SNTG2: variants seen among roughly 807,000 people sequenced by gnomAD.
SNTG2 encodes gamma-2-syntrophin.
Under a neutral mutation model 70.9 loss-of-function variants are expected in SNTG2, and 74 were observed. The ratio of observed to expected loss-of-function variants is 1.04; its 90% CI spans 0.86 to 1.27. The LOEUF is 1.27. SNTG2 is among the 50% of genes most tolerant of loss of function. SNTG2 has a pLI of 0.00. For missense variants in SNTG2, 717 were observed against 690.7 expected (o/e 1.04, Z -0.43); for synonymous variants, 278 against 273.8 (o/e 1.02, Z -0.15).
At position 1,308,545 on chromosome 2, in the gene SNTG2, G is replaced by A; in HGVS notation, c.1336G>A (p.Asp446Asn). The A allele has an allele frequency of 6.4e-7, 1 of 1,551,698 alleles. No homozygotes were observed. The highest frequency in any genetic ancestry group is 8.7e-7 in the Non-Finnish European group (1 of 1,146,982). The change falls in exon 15 of 17, where the codon GAT (aspartate) becomes AAT (asparagine). Residue 446 changes from aspartate to asparagine, a missense_variant. Physicochemically the swap from Asp to Asn is conservative, Grantham distance 23. Coordinates refer to ENST00000308624, the MANE Select transcript of SNTG2 (RefSeq NM_018968.4). ...WQGEMLCFTV[D>N]FALGFTCFES... ...AGGAGAGATGCTGTGTTTCACGGTG[G>A]ATTTCGCGTTGGGATTTACCTGTTT...
intron 9 of SNTG2, among the ~76,000 whole-genome samples, chr2:1,211,806 G>A (rs376755901): frequency 2.2e-4 from 33 of 152,144 alleles, no homozygotes; most frequent in Non-Finnish European, 4.6e-4. Flanking sequence ...AATTCAAGAT[G>A]AGATTTGGGC....
intron 1 of SNTG2, among the ~76,000 whole-genome samples, chr2:986,727 G>A (rs373081020): frequency 1.4e-5 from 2 of 147,652 alleles, no homozygotes; most frequent in African/African-American, 2.6e-5. Flanking sequence ...TAGAGGGTTC[G>A]TTCTTTTAGT....
chr2:1,334,178 A>G (rs1049671503), intron 16 of SNTG2, among the ~76,000 whole-genome samples: 3 of 152,354 alleles, frequency 2.0e-5, no homozygotes, highest in African/African-American at 7.2e-5. Flanking sequence ...AATGGCCAAC[A>G]AACATATGAA....
chr2:954,689 G>A (rs1007290499), intron 1 of SNTG2, among the ~76,000 whole-genome samples: 2 of 152,122 alleles, frequency 1.3e-5, no homozygotes, highest in Admixed American at 1.3e-4. Flanking sequence ...TCCCTCACCT[G>A]AGGACTGACC....
At chr2:1,331,914 A>G (rs1038968596) in intron 16 of SNTG2, among the ~76,000 whole-genome samples, 14 of 152,160 alleles carry the variant, frequency 9.2e-5, no homozygotes, top group African/African-American at 3.4e-4. Context: ...CGCGGTTTCC[A>G]GCTTCACGAC....
At chr2:1,079,086 A>G (rs1664108020) in intron 1 of SNTG2, among the ~76,000 whole-genome samples, 1 of 152,256 alleles carries the variant, frequency 6.6e-6, no homozygotes, top group Non-Finnish European at 1.5e-5. Flanking sequence ...CAATTAGCTC[A>G]TTAAATACCC....
intron 4 of SNTG2, among the ~76,000 whole-genome samples, chr2:1,118,928 A>G (rs1667207927): frequency 6.6e-6 from 1 of 152,214 alleles, no homozygotes; most frequent in Non-Finnish European, 1.5e-5. Context: ...AAGCTCAAAG[A>G]TCACCAAACA....
chr2:1,133,907 C>T lies in SNTG2; in HGVS notation c.326-3715C>T, dbSNP rs190625847. Among the ~76,000 whole-genome samples, 39 of 149,110 alleles carry T rather than the reference C, an allele frequency of 2.6e-4. 1 individual carries two copies. Among genetic ancestry groups the T allele is most frequent in the East Asian group, 7.8e-4 (4 of 5,136 alleles). On this transcript the variant is annotated intron_variant, in intron 4 of 16. Transcript: ENST00000308624. ...CTCACTGACTTCAAGAATGAAGCCG[C>T]GGACCCTCGCGGTGAGTGTTACAGT...
At chr2:1,208,787 C>T (rs1001309731) in intron 8 of SNTG2, among the ~76,000 whole-genome samples, 8 of 152,154 alleles carry the variant, frequency 5.3e-5, no homozygotes, top group Non-Finnish European at 8.8e-5. Context: ...GTCTTTCTCA[C>T]GGTCTCTATG....
chr2:1,116,654 C>G (rs1667001515), intron 4 of SNTG2, among the ~76,000 whole-genome samples: 1 of 126,862 alleles, frequency 7.9e-6, no homozygotes, highest in South Asian at 2.7e-4. Context: ...GTATGAGTGC[C>G]CTGGTGTGTG....
At chr2:1,085,765 A>C (rs1664646869) in intron 2 of SNTG2, among the ~76,000 whole-genome samples, 1 of 152,360 alleles carries the variant, frequency 6.6e-6, no homozygotes, top group South Asian at 2.1e-4. Flanking sequence ...TCCCAGAGAC[A>C]GTGTGGGCTT....
At chr2:1,182,015 G>A (rs994549032) in intron 8 of SNTG2, among the ~76,000 whole-genome samples, 3 of 152,158 alleles carry the variant, frequency 2.0e-5, no homozygotes, top group African/African-American at 7.2e-5. Context: ...CCCATCTTCT[G>A]CAAATTCTGT....
chr2:1,124,256 A>G (rs1667556547), intron 4 of SNTG2, among the ~76,000 whole-genome samples: 1 of 152,032 alleles, frequency 6.6e-6, no homozygotes, highest in Non-Finnish European at 1.5e-5. Context: ...TAAATTGTCA[A>G]TTACAATTTG....
rs138940182 is a variant in SNTG2, at chr2:1,231,767, C to T, written c.720-6121C>T. On this transcript the variant is annotated intron_variant, in intron 9 of 16. Coordinates refer to ENST00000308624, the MANE Select transcript of SNTG2 (RefSeq NM_018968.4). ...GAGGGGAGTGTAGACACCACCTTCC[C>T]GTGACAAACCCAGGTGCTGGAATCC... 5.3e-4 allele frequency among the ~76,000 whole-genome samples: 81 copies of T among 152,256 alleles called. 1 individual carries two copies. Among genetic ancestry groups the T allele is most frequent in the Admixed American group, 4.9e-3 (75 of 15,292 alleles).
chr2:1,006,126 C>T (rs1336853943), intron 1 of SNTG2, among the ~76,000 whole-genome samples: 2 of 135,218 alleles, frequency 1.5e-5, no homozygotes, highest in Admixed American at 8.6e-5. Context: ...AATGAGATCA[C>T]ATGGACACAG....
chr2:1,332,546 T>C (rs182105187), intron 16 of SNTG2, among the ~76,000 whole-genome samples: 1 of 152,318 alleles, frequency 6.6e-6, no homozygotes, highest in Admixed American at 6.5e-5. Context: ...TGCTAATAAT[T>C]TGCTAATTAA....
At chr2:954,194 G>T (rs1161070985) in intron 1 of SNTG2, among the ~76,000 whole-genome samples, 1 of 152,180 alleles carries the variant, frequency 6.6e-6, no homozygotes, top group South Asian at 2.1e-4. Context: ...ACAGGCAGGT[G>T]CTCGTGGAAA....
chr2:1,254,690 C>T (rs1677946460), intron 12 of SNTG2, among the ~76,000 whole-genome samples: 1 of 152,204 alleles, frequency 6.6e-6, no homozygotes, highest in African/African-American at 2.4e-5. Context: ...TTGTAATCTA[C>T]AATTTCGGCT....
chr2:1,095,899 G>A (rs888487756), intron 2 of SNTG2, among the ~76,000 whole-genome samples: 3 of 152,192 alleles, frequency 2.0e-5, no homozygotes, highest in African/African-American at 7.2e-5. Flanking sequence ...AGAAGCGTAA[G>A]GCTGTTTGCT....
Sources: allele counts gnomAD v4.1 joint callset (sites outside exome capture counted in the v4.1 genomes callset), GRCh38; gene constraint gnomAD v4.1.1; transcripts MANE v1.5; gene names NCBI Gene and HGNC (gene_info 2026-07-23, HGNC 2026-07-21).